The following SLC44A3 variants were observed in gnomAD, a reference collection of about 807,000 sequenced individuals.
SLC44A3 encodes solute carrier family 44 member 3.
Under a neutral mutation model 75.4 loss-of-function variants are expected in SLC44A3, and 74 were observed. The ratio of observed to expected loss-of-function variants is 0.98; its 90% confidence interval spans 0.81 to 1.19. The LOEUF (loss-of-function observed/expected upper bound fraction) is 1.19, where lower values mean the gene tolerates loss of function less well. Among genes scored for constraint, SLC44A3 ranks in the 50% most tolerant of loss-of-function variants. The pLI is 0.00. For synonymous variants in SLC44A3, 310 were observed against 296.9 expected, an observed-to-expected ratio of 1.04 and a Z score of -0.45; for missense variants, 700 against 778.6, an observed-to-expected ratio of 0.90 and a Z score of 1.20.
At chr1:94,873,266 C>A (rs1470861218) in intron 12 of SLC44A3, among the ~76,000 whole-genome samples, 2 of 152,152 alleles carry the variant, frequency 1.3e-5, no homozygotes, top group African/African-American at 4.8e-5. Flanking sequence ...CCCGATGCAC[C>A]TTGATGCAGT....
At chr1:94,892,879 T>C (rs1465842525) in intron 14 of SLC44A3, among the ~76,000 whole-genome samples, 1 of 152,188 alleles carries the variant, frequency 6.6e-6, no homozygotes, top group Non-Finnish European at 1.5e-5. Flanking sequence ...AGTTTAACAG[T>C]TGATCTTTTT....
chr1:94,889,404 A>C (rs1557894245), intron 12 of SLC44A3: 1 of 152,176 alleles, frequency 6.6e-6, no homozygotes. Flanking sequence ...TCTTGTTGTA[A>C]TCTGCAATGC....
At chr1:94,840,283 C>CTTTTTTTTTTTTTTTTTTTTTTTTTT (rs56383271) in intron 7 of SLC44A3, among the ~76,000 whole-genome samples, 2 of 77,360 alleles carry the variant, frequency 2.6e-5, no homozygotes, top group African/African-American at 5.1e-5. Context: ...TTTCTTTTTC[C>CTTTTTTTTTTTTTTTTTTTTTTTTTT]TTTTTTTTTT....
At chr1:94,858,911 C>T (rs913881905) in intron 10 of SLC44A3, among the ~76,000 whole-genome samples, 17 of 151,992 alleles carry the variant, frequency 1.1e-4, no homozygotes. Flanking sequence ...AGGATGGTCT[C>T]GATCTCTTGA....
rs1416179046 is a variant in SLC44A3, at chr1:94,857,020, C to T, written c.1073-315C>T. On this transcript the variant is annotated intron_variant, in intron 9 of 14. Transcript: ENST00000271227. ...TGCTGGGATTACAGGCATGAGCCAC[C>T]ACACCCAGCCTACTTGCCTCTTCTA... 2.0e-5 allele frequency among the ~76,000 whole-genome samples: 3 copies of T among 152,106 alleles called. No homozygotes were observed. The East Asian group carries it at 5.8e-4, about 29-fold the overall frequency.
At chr1:94,858,841 A>G (rs1666228125) in intron 10 of SLC44A3, among the ~76,000 whole-genome samples, 1 of 152,010 alleles carries the variant, frequency 6.6e-6, no homozygotes, top group African/African-American at 2.4e-5. Flanking sequence ...ACAGGCGCCC[A>G]CCACCACGCC....
intron 12 of SLC44A3, among the ~76,000 whole-genome samples, chr1:94,876,825 T>C (rs1440627888): frequency 6.6e-6 from 1 of 152,214 alleles, no homozygotes; most frequent in Admixed American, 6.5e-5. Context: ...ATTTAATTTG[T>C]TATTCTTGAG....
intron 9 of SLC44A3, among the ~76,000 whole-genome samples, chr1:94,851,986 A>G (rs1336227135): frequency 1.3e-5 from 2 of 152,238 alleles, no homozygotes; most frequent in East Asian, 3.8e-4. Flanking sequence ...TAACTGCACT[A>G]TGAATATCTT....
In SLC44A3 at chr1:94,836,923, A is replaced by C. The variant is rs1184942941; in HGVS notation, c.510-788A>C. 173 of 148,332 alleles carry C rather than the reference A, an allele frequency of 1.2e-3. 1 individual carries two copies. In the East Asian group the frequency reaches 0.024, roughly 20 times the overall value. 9.2% of individuals were successfully genotyped at this position (148,332 alleles called of 1,614,324 possible). ...CAGAACCTGTCTCAACAAAAAAAAA[A>C]AAAAAAAAAAAAAGAGGTTCCCCAT... is the stretch of plus-strand genomic sequence containing the variant. On this transcript the variant is annotated intron_variant, in intron 5 of 14. Coordinates refer to ENST00000271227, the MANE Select transcript of SLC44A3 (RefSeq NM_001114106.3).
At chr1:94,879,061 T>C (rs879883685) in intron 12 of SLC44A3, among the ~76,000 whole-genome samples, 3 of 152,044 alleles carry the variant, frequency 2.0e-5, no homozygotes, top group Admixed American at 2.0e-4. Flanking sequence ...ACAATAAAAG[T>C]AGACAAATGG....
At chr1:94,881,672 G>C (rs558317448) in intron 12 of SLC44A3, among the ~76,000 whole-genome samples, 12 of 146,206 alleles carry the variant, frequency 8.2e-5, no homozygotes, top group Non-Finnish European at 1.6e-4. Context: ...CCACTGCACT[G>C]AAGCCTGGGC....
rs1053173907 is a variant in SLC44A3, at chr1:94,821,093, G to A, written c.135+37G>A. 13 of 1,489,654 alleles carry A rather than the reference G, an allele frequency of 8.7e-6. No homozygotes were observed. In the East Asian group the frequency reaches 2.2e-4, roughly 25 times the overall value. 92.3% of individuals were successfully genotyped at this position (1,489,654 alleles called of 1,614,324 possible). On this transcript the variant is annotated intron_variant, in intron 2 of 14. Transcript: ENST00000271227. ...TGCTTGGTAGGAAAGAGGCCAGAGT[G>A]TGTGTGCACGTCTGGAAATAACTCT...
intron 12 of SLC44A3, among the ~76,000 whole-genome samples, chr1:94,870,505 C>T (rs1043072905): frequency 4.6e-5 from 7 of 152,130 alleles, no homozygotes; most frequent in Admixed American, 4.6e-4. Context: ...TCATTTGACT[C>T]TGTAATTAGG....
At position 94,864,855 on chromosome 1, in the gene SLC44A3, C is replaced by A; in HGVS notation, c.1351C>A (p.Pro451Thr). Residue 451 changes from proline to threonine, a missense_variant, in exon 11 of 15, where the codon CCG (proline) becomes ACG (threonine). Pro to Thr is a conservative substitution (Grantham distance 38). Coordinates refer to ENST00000271227, the MANE Select transcript of SLC44A3 (RefSeq NM_001114106.3). Reference sequence around the variant, plus strand: ...ATTTTTAATCTCTGTGGTGAGGATTCCGAGAATCATTGTCATGTACATGCA... The same window carrying A: ...ATTTTTAATCTCTGTGGTGAGGATTACGAGAATCATTGTCATGTACATGCA... ...GSFLISVVRI[P>T]RIIVMYMQNA... 1 of 1,613,930 alleles carries A rather than the reference C, an allele frequency of 6.2e-7. No homozygotes were observed. The highest frequency in any genetic ancestry group is 8.5e-7 in the Non-Finnish European group (1 of 1,179,916).
In SLC44A3 at chr1:94,820,429, C is replaced by T. The variant is rs957046106; in HGVS notation, c.-23C>T. 1.7e-5 allele frequency: 25 copies of T among 1,453,664 alleles called. No homozygotes were observed. Among genetic ancestry groups the T allele is most frequent in the Non-Finnish European group, 2.2e-5 (24 of 1,106,402 alleles). 90.0% of individuals were successfully genotyped at this position (1,453,664 alleles called of 1,614,324 possible). On this transcript the variant is annotated 5_prime_UTR_variant, in exon 1 of 15. Coordinates refer to ENST00000271227, the MANE Select transcript of SLC44A3 (RefSeq NM_001114106.3). ...GGAGGCGGCGGCGGCTCCCAGTCAC[C>T]GGCCCCCGCCGGCGAGCGCACGATG...
intron 11 of SLC44A3, 29 bp downstream of exon 11, chr1:94,864,928 T>A (rs1464933955): frequency 1.2e-6 from 2 of 1,606,904 alleles, no homozygotes; most frequent in South Asian, 2.2e-5. Flanking sequence ...ACACAGCACG[T>A]TCTGTGTTTG....
At chr1:94,871,649 A>G (rs886281108) in intron 12 of SLC44A3, among the ~76,000 whole-genome samples, 1 of 152,228 alleles carries the variant, frequency 6.6e-6, no homozygotes, top group African/African-American at 2.4e-5. Context: ...TCCTCTAAGT[A>G]TGAAACCCAC....
Position 94,842,093 on chromosome 1 carries a change from T to C in SLC44A3, c.854T>C (p.Leu285Pro), listed in dbSNP as rs746023481. 19 of 1,612,820 alleles carry C rather than the reference T, an allele frequency of 1.2e-5. No individual in the cohort carries two copies. The highest frequency in any genetic ancestry group is 1.6e-5 in the Non-Finnish European group (19 of 1,179,466). ...GAAAGGGAAAATATGAAGTGCGTGCTGGGGTTTGCTATCGTATCCACAGGC... is the reference window on the plus strand; with the variant it reads ...GAAAGGGAAAATATGAAGTGCGTGCCGGGGTTTGCTATCGTATCCACAGGC... ...DTERENMKCV[L>P]GFAIVSTGIT... is the part of the protein sequence containing the mutation. Residue 285 changes from leucine to proline, a missense_variant, in exon 8 of 15, where the codon CTG (leucine) becomes CCG (proline). By Grantham distance (98) the Leu-to-Pro change is moderately conservative. Transcript: ENST00000271227.
intron 10 of SLC44A3, among the ~76,000 whole-genome samples, chr1:94,860,891 G>A (rs138174594): frequency 9.8e-4 from 150 of 152,328 alleles, no homozygotes; most frequent in African/African-American, 9.4e-4. Context: ...GGGTAGCTGC[G>A]CAGCAGGCGT....
Sources: gnomAD v4.1 joint callset for allele counts (sites outside exome capture counted in the v4.1 genomes callset) on GRCh38, gnomAD v4.1.1 for gene constraint, MANE v1.5 for transcripts, NCBI Gene and HGNC (gene_info 2026-07-23, HGNC 2026-07-21) for gene names.